Variants in CNTNAP4 observed in about 807,000 individuals in gnomAD.
CNTNAP4 encodes the protein contactin associated protein family member 4.
A neutral mutation model predicts 148.4 loss-of-function variants in CNTNAP4; 98 were observed. The ratio of observed to expected loss-of-function variants is 0.66; its 90% CI spans 0.56 to 0.78. The LOEUF is 0.78. Ranked by LOEUF, CNTNAP4 falls within the 30% of genes least tolerant of loss-of-function variation. The pLI is 0.00. For missense variants in CNTNAP4, 1,935 were observed against 1,565.6 expected (o/e 1.24, Z -3.98); for synonymous variants, 730 against 565.1 (o/e 1.29, Z -4.14).
At chr16:76,289,682 C>T (rs961212302) in intron 1 of CNTNAP4, among the ~76,000 whole-genome samples, 2 of 152,064 alleles carry the variant, frequency 1.3e-5, no homozygotes, top group African/African-American at 4.8e-5. Flanking sequence ...AAGCAATTCT[C>T]CTTGCCTTAG....
intron 3 of CNTNAP4, among the ~76,000 whole-genome samples, chr16:76,355,868 ATTTATTTATTTATTTATTTATTTT>A (rs1192660339): frequency 2.1e-4 from 31 of 149,354 alleles, no homozygotes; most frequent in African/African-American, 7.4e-4. Flanking sequence ...TTATTTATTT[ATTTATTTATTTATTTATTTATTTT>A]TGAAACAGAG....
intron 2 of CNTNAP4, among the ~76,000 whole-genome samples, chr16:76,341,265 C>T (rs1163281979): frequency 6.6e-6 from 1 of 152,178 alleles, no homozygotes; most frequent in Admixed American, 6.5e-5. Flanking sequence ...CCACCTAGCA[C>T]AAATGCATTT....
At chr16:76,496,380 G>A (rs1201320466) in intron 14 of CNTNAP4, among the ~76,000 whole-genome samples, 1 of 151,998 alleles carries the variant, frequency 6.6e-6, no homozygotes, top group Non-Finnish European at 1.5e-5. Flanking sequence ...AATTAAAAAT[G>A]ACTTTTAAAA....
intron 8 of CNTNAP4, among the ~76,000 whole-genome samples, chr16:76,455,538 C>T (rs1434263683): frequency 1.3e-5 from 2 of 152,194 alleles, no homozygotes; most frequent in African/African-American, 4.8e-5. Flanking sequence ...GGCTGTAAAC[C>T]TGTCACCCTT....
At chr16:76,554,650 C>T (rs1186844237) in intron 23 of CNTNAP4, among the ~76,000 whole-genome samples, 1 of 151,776 alleles carries the variant, frequency 6.6e-6, no homozygotes. Context: ...AACTTGTTCA[C>T]CTTTCTTTAC....
At chr16:76,517,315 A>G (rs1237105830) in intron 15 of CNTNAP4, among the ~76,000 whole-genome samples, 1 of 152,128 alleles carries the variant, frequency 6.6e-6, no homozygotes, top group African/African-American at 2.4e-5. Flanking sequence ...CCTGGTTTTG[A>G]CATCCTGCTA....
Position 76,551,748 on chromosome 16 carries a change from A to C in CNTNAP4, c.3443-1535A>C, listed in dbSNP as rs369103442. Among the ~76,000 whole-genome samples, 18 of 152,328 alleles carry C rather than the reference A, an allele frequency of 1.2e-4. No individual in the cohort carries two copies. In the East Asian group the frequency reaches 2.1e-3, roughly 18 times the overall value. On this transcript the variant is annotated intron_variant, in intron 21 of 23. Coordinates refer to ENST00000611870, the MANE Select transcript of CNTNAP4 (RefSeq NM_033401.5). ...CAAATCTTTTAGAACACTGGCTAGCACATAATATACACTCATATATACTTA... is the reference window on the plus strand; with the variant it reads ...CAAATCTTTTAGAACACTGGCTAGCCCATAATATACACTCATATATACTTA...
At chr16:76,500,024 C>A (rs1282526557) in intron 15 of CNTNAP4, among the ~76,000 whole-genome samples, 3 of 152,134 alleles carry the variant, frequency 2.0e-5, no homozygotes, top group African/African-American at 4.8e-5. Flanking sequence ...CTTTTCTATT[C>A]GACAAAACCG....
At chr16:76,341,111 C>T (rs9319495) in intron 2 of CNTNAP4, among the ~76,000 whole-genome samples, 1 of 151,956 alleles carries the variant, frequency 6.6e-6, no homozygotes, top group Non-Finnish European at 1.5e-5. Context: ...AGCCATTATT[C>T]GTTCTTCACC....
At chr16:76,474,083 C>A (rs1176462035) in intron 10 of CNTNAP4, among the ~76,000 whole-genome samples, 1 of 152,162 alleles carries the variant, frequency 6.6e-6, no homozygotes. Flanking sequence ...AGGGGCTTAG[C>A]TACAAATAAC....
intron 2 of CNTNAP4, among the ~76,000 whole-genome samples, chr16:76,345,565 G>T (rs531926119): frequency 4.9e-4 from 75 of 152,304 alleles, no homozygotes; most frequent in East Asian, 1.2e-3. Flanking sequence ...GGACATTGGG[G>T]ATGCGGGGGG....
chr16:76,406,119 A>G (rs1184638695), intron 3 of CNTNAP4, among the ~76,000 whole-genome samples: 1 of 152,070 alleles, frequency 6.6e-6, no homozygotes, highest in Non-Finnish European at 1.5e-5. Context: ...AGTTACTGTT[A>G]GTGCTATTTT....
At chr16:76,363,851 T>C (rs576892888) in intron 3 of CNTNAP4, among the ~76,000 whole-genome samples, 1 of 152,316 alleles carries the variant, frequency 6.6e-6, no homozygotes, top group Non-Finnish European at 1.5e-5. Context: ...GTGGCTCTGT[T>C]TCATCTCTTT....
At chr16:76,478,729 A>G (rs1294893254) in intron 11 of CNTNAP4, among the ~76,000 whole-genome samples, 1 of 152,258 alleles carries the variant, frequency 6.6e-6, no homozygotes, top group Admixed American at 6.5e-5. Flanking sequence ...ACATCCGATT[A>G]TGGATCTAAA....
chr16:76,419,397 C>T (rs748600136), intron 3 of CNTNAP4, among the ~76,000 whole-genome samples: 1 of 152,014 alleles, frequency 6.6e-6, no homozygotes, highest in Non-Finnish European at 1.5e-5. Context: ...CACTTCCTGA[C>T]AGAGCCAGAA....
At chr16:76,508,357 A>C (rs1229905819) in intron 15 of CNTNAP4, among the ~76,000 whole-genome samples, 2 of 97,528 alleles carry the variant, frequency 2.1e-5, no homozygotes, top group African/African-American at 5.1e-5. Flanking sequence ...AGTTCCATCT[A>C]AGCCATTTCT....
intron 8 of CNTNAP4, among the ~76,000 whole-genome samples, chr16:76,460,773 A>AAAAAAATATATATATATATATATATAT: frequency 7.0e-5 from 4 of 57,296 alleles, no homozygotes; most frequent in Non-Finnish European, 1.3e-4. Flanking sequence ...AAAAAAAAAA[A>AAAAAAATATATATATATATATATATAT]ATATATATAT....
At chr16:76,526,367 C>T (rs374568831) in intron 17 of CNTNAP4, among the ~76,000 whole-genome samples, 8 of 151,978 alleles carry the variant, frequency 5.3e-5, no homozygotes, top group Admixed American at 2.0e-4. Flanking sequence ...AGGGCCATGG[C>T]GAGGACTATG....
chr16:76,452,928 C>G (rs370075974), intron 8 of CNTNAP4, among the ~76,000 whole-genome samples, 159 bp downstream of exon 8: 10 of 152,112 alleles, frequency 6.6e-5, no homozygotes, highest in African/African-American at 2.4e-4. Context: ...GAACTTGATT[C>G]CAATTTTCTT....
Sources: gnomAD v4.1 joint callset for allele counts (sites outside exome capture counted in the v4.1 genomes callset) on GRCh38, gnomAD v4.1.1 for gene constraint, MANE v1.5 for transcripts, NCBI Gene and HGNC (gene_info 2026-07-23, HGNC 2026-07-21) for gene names.